Variants in MBD5 observed in about 807,000 individuals in gnomAD.
MBD5 encodes methyl-CpG binding domain protein 5.
In MBD5, 13 loss-of-function variants were observed where a neutral mutation model predicts 117.3. That is an observed-to-expected ratio of 0.11 (90% CI 0.07 to 0.18). MBD5 has a LOEUF of 0.18. Among genes scored for constraint, MBD5 ranks in the 10% least tolerant of loss-of-function variants. The pLI is 1.00. For missense variants in MBD5, 1,879 were observed against 2,093.8 expected, an observed-to-expected ratio of 0.90 and a Z score of 2.00; for synonymous variants, 727 against 766.4, an observed-to-expected ratio of 0.95 and a Z score of 0.85.
chr2:148,232,170 A>C (rs1700003083), intron 2 of MBD5, among the ~76,000 whole-genome samples: 1 of 152,236 alleles, frequency 6.6e-6, no homozygotes, highest in African/African-American at 2.4e-5. Context: ...CATGAAGGCC[A>C]CTAAGGCTAC....
chr2:148,349,076 G>T (rs1703188581), intron 4 of MBD5, among the ~76,000 whole-genome samples: 1 of 151,764 alleles, frequency 6.6e-6, no homozygotes, highest in Non-Finnish European at 1.5e-5. Flanking sequence ...AAATGAAATA[G>T]AAATCATGAG....
chr2:148,354,436 G>A (rs539908257), intron 4 of MBD5, among the ~76,000 whole-genome samples: 1 of 152,172 alleles, frequency 6.6e-6, no homozygotes, highest in Non-Finnish European at 1.5e-5. Context: ...CCCTGCAAAG[G>A]ACATGAACTC....
chr2:148,411,173 C>T (rs1440864335), intron 4 of MBD5, among the ~76,000 whole-genome samples: 4 of 152,140 alleles, frequency 2.6e-5, no homozygotes, highest in Non-Finnish European at 5.9e-5. Context: ...ACCCATGTTG[C>T]TGCAATGACA....
At chr2:148,035,184 GTTACCTT>G (rs1312792574) in intron 1 of MBD5, among the ~76,000 whole-genome samples, 1 of 151,940 alleles carries the variant, frequency 6.6e-6, no homozygotes, top group Non-Finnish European at 1.5e-5. Context: ...AAAATGGATT[GTTACCTT>G]TATTAATAAC....
chr2:148,348,473 C>A (rs1447763618), intron 4 of MBD5, among the ~76,000 whole-genome samples: 3 of 151,968 alleles, frequency 2.0e-5, no homozygotes, highest in Non-Finnish European at 4.4e-5. Flanking sequence ...GGTTTATATG[C>A]CCTGGCTAAT....
intron 4 of MBD5, among the ~76,000 whole-genome samples, chr2:148,413,242 T>A (rs1434352721): frequency 6.6e-6 from 1 of 152,184 alleles, no homozygotes; most frequent in Non-Finnish European, 1.5e-5. Flanking sequence ...TATTTTTAGT[T>A]CTGTTCGTAT....
chr2:148,454,672 G>A (rs1268230853), intron 4 of MBD5, among the ~76,000 whole-genome samples: 2 of 152,054 alleles, frequency 1.3e-5, no homozygotes, highest in African/African-American at 2.4e-5. Context: ...TGGGGTGAGG[G>A]TGAGGGATAG....
At chr2:148,399,282 T>C (rs987489694) in intron 4 of MBD5, among the ~76,000 whole-genome samples, 13 of 152,238 alleles carry the variant, frequency 8.5e-5, no homozygotes, top group African/African-American at 2.7e-4. Context: ...TTCCTATCCA[T>C]GAGCATGGAA....
chr2:148,223,759 CTT>C (rs775146305), intron 2 of MBD5, among the ~76,000 whole-genome samples: 26 of 151,848 alleles, frequency 1.7e-4, no homozygotes, highest in Non-Finnish European at 3.1e-4. Context: ...TTTTCTTTTA[CTT>C]ATTTTGGGTT....
intron 1 of MBD5, among the ~76,000 whole-genome samples, chr2:148,120,625 G>A (rs1696748932): frequency 6.6e-6 from 1 of 152,004 alleles, no homozygotes; most frequent in East Asian, 1.9e-4. Context: ...TTTGTATATT[G>A]GTCTTGAATC....
intron 1 of MBD5, among the ~76,000 whole-genome samples, chr2:148,154,345 C>T (rs62114517): frequency 6.6e-6 from 1 of 151,828 alleles, no homozygotes; most frequent in Admixed American, 6.6e-5. Flanking sequence ...AGCTGTCAGA[C>T]AGGGACATTT....
In MBD5 at chr2:148,505,267, C is replaced by A. The variant is rs1681996282; in HGVS notation, c.5036+2758C>A. ...GGTTACAGGGGGAAGCTGTTCAGTA[C>A]AGTTTGGGGTGCCTGTAGGATAGGC... On this transcript the variant is annotated intron_variant, in intron 12 of 13. Coordinates refer to ENST00000642680, the MANE Select transcript of MBD5 (RefSeq NM_001378120.1). Among the ~76,000 whole-genome samples, 3 of 152,168 alleles carry A rather than the reference C, an allele frequency of 2.0e-5. No individual in the cohort carries two copies. In the South Asian group the frequency reaches 6.2e-4, roughly 32 times the overall value.
intron 1 of MBD5, chr2:148,071,888 A>G (rs1050959389): frequency 1.3e-5 from 2 of 152,226 alleles, no homozygotes; most frequent in African/African-American, 4.8e-5. Context: ...AGGTTTTGTA[A>G]TCATTAAGTT....
chr2:148,322,933 G>A (rs1453117404), intron 3 of MBD5, among the ~76,000 whole-genome samples: 3 of 150,768 alleles, frequency 2.0e-5, no homozygotes, highest in African/African-American at 7.3e-5. Context: ...CCATGCTGGT[G>A]CGCTGCACCC....
Position 148,424,177 on chromosome 2 carries a change from C to CAAAAAAAAAAAA in MBD5, c.-556-33998_-556-33987dup, listed in dbSNP as rs56740583. Among the ~76,000 whole-genome samples the CAAAAAAAAAAAA allele has an allele frequency of 5.6e-4, 30 of 53,452 alleles. 3 individuals carry two copies. Among genetic ancestry groups the CAAAAAAAAAAAA allele is most frequent in the Non-Finnish European group, 9.4e-4 (22 of 23,298 alleles). 35.1% of individuals were successfully genotyped at this position (53,452 alleles called of 152,430 possible). ...TGGGCAACAGAGCAAGACTCTGTCT[C>CAAAAAAAAAAAA]AAAAAAAAAAAAAAAAAAAAAAAAA... On this transcript the variant is annotated intron_variant, in intron 4 of 13. Transcript: ENST00000642680.
chr2:148,340,999 A>G (rs1399637728), intron 3 of MBD5, among the ~76,000 whole-genome samples: 2 of 152,078 alleles, frequency 1.3e-5, no homozygotes, highest in African/African-American at 4.8e-5. Flanking sequence ...CCCAGAGAAG[A>G]TAAGTAACTT....
intron 3 of MBD5, among the ~76,000 whole-genome samples, chr2:148,322,759 G>C (rs899934082): frequency 2.6e-5 from 4 of 152,086 alleles, no homozygotes; most frequent in South Asian, 2.1e-4. Flanking sequence ...CTAAAACTAA[G>C]TTTAGTGAGT....
chr2:148,195,571 G>T (rs1166753236), intron 2 of MBD5, among the ~76,000 whole-genome samples: 1 of 152,082 alleles, frequency 6.6e-6, no homozygotes. Context: ...GACATTTGTA[G>T]AACATATGCC....
intron 1 of MBD5, among the ~76,000 whole-genome samples, chr2:148,059,417 A>G (rs991997453): frequency 2.6e-5 from 4 of 152,240 alleles, no homozygotes; most frequent in Admixed American, 2.6e-4. Flanking sequence ...TTAAGTTTGC[A>G]TACAGTAAAA....
Sources: gnomAD v4.1 joint callset for allele counts (sites outside exome capture counted in the v4.1 genomes callset) on GRCh38, gnomAD v4.1.1 for gene constraint, MANE v1.5 for transcripts, NCBI Gene and HGNC (gene_info 2026-07-23, HGNC 2026-07-21) for gene names.